SLC49A4: variants seen among roughly 807,000 people sequenced by gnomAD.
SLC49A4 encodes the protein solute carrier family 49 member 4, also known as disrupted in renal cancer protein 2.
In SLC49A4, 36 loss-of-function variants were observed where a neutral mutation model predicts 50.6. That is an observed-to-expected ratio of 0.71 (90% confidence interval 0.55 to 0.94). The LOEUF (loss-of-function observed/expected upper bound fraction) is 0.94, where lower values mean the gene tolerates loss of function less well. SLC49A4 is among the 40% of genes least tolerant of loss of function. The probability of loss-of-function intolerance (pLI) is 0.00; values close to 1 mark genes in which losing one functional copy is unlikely to be tolerated. For synonymous variants in SLC49A4, 248 were observed against 241.2 expected, an observed-to-expected ratio of 1.03 and a Z score of -0.26; for missense variants, 503 against 605.7, an observed-to-expected ratio of 0.83 and a Z score of 1.78.
At chr3:122,814,194 G>A (rs917777181) in intron 2 of SLC49A4, among the ~76,000 whole-genome samples, 5 of 152,124 alleles carry the variant, frequency 3.3e-5, no homozygotes, top group African/African-American at 1.2e-4. Flanking sequence ...CTTGAACCTG[G>A]GAGGCGGAGG....
intron 4 of SLC49A4, among the ~76,000 whole-genome samples, chr3:122,842,212 C>A (rs1560219756): frequency 6.6e-6 from 1 of 151,874 alleles, no homozygotes; most frequent in Admixed American, 6.6e-5. Flanking sequence ...TTAGGCCGGG[C>A]GCGGTGGCTC....
chr3:122,863,167 A>T (rs1472005844), intron 7 of SLC49A4, among the ~76,000 whole-genome samples: 1 of 152,210 alleles, frequency 6.6e-6, no homozygotes, highest in East Asian at 1.9e-4. Context: ...TTTTTACCTT[A>T]CAAGCACACT....
rs999615975 is a variant in SLC49A4, at chr3:122,864,670, A to G, written c.1138+4468A>G. 2.6e-5 allele frequency among the ~76,000 whole-genome samples: 4 copies of G among 152,194 alleles called. No individual in the cohort carries two copies. The East Asian group carries it at 5.8e-4, about 22-fold the overall frequency. Reference sequence around the variant, plus strand: ...CCCCAGGGAGTGATAGCTGACCACAAGGTGACTTCAAGTGTTATTTAAAGA... The same window carrying G: ...CCCCAGGGAGTGATAGCTGACCACAGGGTGACTTCAAGTGTTATTTAAAGA... On this transcript the variant is annotated intron_variant, in intron 7 of 8. Transcript: ENST00000261038.
At position 122,879,667 on chromosome 3, in the gene SLC49A4, C is replaced by T. The variant is rs551012272; in HGVS notation, c.*289C>T. The T allele has an allele frequency of 4.2e-6, 1 of 239,560 alleles. No individual in the cohort carries two copies. Among genetic ancestry groups the T allele is most frequent in the East Asian group, 9.5e-5 (1 of 10,502 alleles). 14.8% of individuals were successfully genotyped at this position (239,560 alleles called of 1,614,324 possible). On this transcript the variant is annotated 3_prime_UTR_variant, in exon 9 of 9. Coordinates refer to ENST00000261038, the MANE Select transcript of SLC49A4 (RefSeq NM_032839.3). The stretch of plus-strand genomic sequence containing the variant: ...CATAAAGCACTACCTAAGTAATTCT[C>T]TCTCTGTTTTGTGCCAGTGCTAAAC...
chr3:122,847,440 C>T (rs745327247), intron 5 of SLC49A4, among the ~76,000 whole-genome samples: 8 of 151,574 alleles, frequency 5.3e-5, no homozygotes, highest in Admixed American at 1.3e-4. Flanking sequence ...CTCTGACTCC[C>T]GGGTTCACGC....
chr3:122,877,950 A>G (rs982832220), intron 8 of SLC49A4, among the ~76,000 whole-genome samples: 1 of 152,216 alleles, frequency 6.6e-6, no homozygotes, highest in East Asian at 1.9e-4. Flanking sequence ...TCTTTGTTAC[A>G]TACTATAGAA....
chr3:122,822,858 C>T (rs542416216), intron 2 of SLC49A4, among the ~76,000 whole-genome samples: 27 of 152,316 alleles, frequency 1.8e-4, no homozygotes, highest in Admixed American at 7.2e-4. Flanking sequence ...CCTATATTAG[C>T]CACATGTTAG....
At chr3:122,847,999 T>TG (rs1356800235) in intron 5 of SLC49A4, among the ~76,000 whole-genome samples, 2 of 152,236 alleles carry the variant, frequency 1.3e-5, no homozygotes, top group African/African-American at 4.8e-5. Context: ...CTTCCTTAGT[T>TG]GCAGTAGCAC....
chr3:122,866,276 A>G (rs1035277446), intron 7 of SLC49A4, among the ~76,000 whole-genome samples: 5 of 145,324 alleles, frequency 3.4e-5, no homozygotes, highest in Non-Finnish European at 7.4e-5. Flanking sequence ...TCCTGAGCTT[A>G]AGCGATTCGC....
intron 2 of SLC49A4, among the ~76,000 whole-genome samples, chr3:122,820,338 GAA>G (rs920646831): frequency 4.1e-4 from 63 of 152,246 alleles, no homozygotes; most frequent in African/African-American, 1.5e-3. Context: ...TTAAAGAAAG[GAA>G]AGTTATAAAA....
intron 3 of SLC49A4, 127 bp downstream of exon 3, chr3:122,827,192 C>A: frequency 1.0e-6 from 1 of 991,398 alleles, no homozygotes; most frequent in Non-Finnish European, 1.5e-6. Context: ...AATTTACATG[C>A]ACTGTGCATT....
intron 2 of SLC49A4, among the ~76,000 whole-genome samples, chr3:122,815,584 G>A (rs1936354283): frequency 6.6e-6 from 1 of 152,146 alleles, no homozygotes; most frequent in Admixed American, 6.6e-5. Flanking sequence ...GCCTCCATGT[G>A]TCCATGCACT....
At chr3:122,796,185 A>G (rs1183020178) in intron 1 of SLC49A4, among the ~76,000 whole-genome samples, 1 of 152,228 alleles carries the variant, frequency 6.6e-6, no homozygotes, top group Non-Finnish European at 1.5e-5. Context: ...ACCACTTGCC[A>G]GTGTGATTCT....
In SLC49A4 at chr3:122,795,366, C is replaced by G. The variant is rs778842252; in HGVS notation, c.174C>G (p.Phe58Leu). 1 of 1,594,710 alleles carries G rather than the reference C, an allele frequency of 6.3e-7. No homozygotes were observed. The highest frequency in any genetic ancestry group is 8.5e-7 in the Non-Finnish European group (1 of 1,175,078). The change falls in exon 1 of 9, where the codon TTC (phenylalanine) becomes TTG (leucine). Residue 58 changes from phenylalanine to leucine, a missense_variant. By Grantham distance (22) the Phe-to-Leu change is conservative (BLOSUM62 0). Transcript: ENST00000261038. ...YGRRWLVLLL[F>L]SLLAFVQGLV... ...GCCGCTGGCTGGTGCTGCTGCTCTT[C>G]TCGCTGCTGGCGTTCGTTCAGGGCC...
chr3:122,818,077 A>G (rs574568360), intron 2 of SLC49A4, among the ~76,000 whole-genome samples: 1 of 152,320 alleles, frequency 6.6e-6, no homozygotes, highest in Non-Finnish European at 1.5e-5. Context: ...AGTAGCTAAT[A>G]TTCACATACA....
chr3:122,819,835 GT>G (rs969630679), intron 2 of SLC49A4, among the ~76,000 whole-genome samples: 40 of 143,780 alleles, frequency 2.8e-4, no homozygotes, highest in Middle Eastern at 3.6e-3. Context: ...TTTTTTTAAA[GT>G]TTTTTTTTTT....
intron 2 of SLC49A4, among the ~76,000 whole-genome samples, chr3:122,813,546 A>G (rs1936327834): frequency 6.6e-6 from 1 of 152,186 alleles, no homozygotes; most frequent in Non-Finnish European, 1.5e-5. Context: ...TATCATCACA[A>G]TCATGAATGG....
At position 122,880,827 on chromosome 3, in the gene SLC49A4, C is replaced by T. The variant is rs1937329203; in HGVS notation, c.*1449C>T. On this transcript the variant is annotated 3_prime_UTR_variant, in exon 9 of 9. Transcript: ENST00000261038. ...CCATGACACACCCACATGCAGATTC[C>T]CAAGTCTGTCTCCCCTCCCCCTTAG... 1 of 152,534 alleles carries T rather than the reference C, an allele frequency of 6.6e-6. No homozygotes were observed. The highest frequency in any genetic ancestry group is 2.4e-5 in the African/African-American group (1 of 41,444). The allele number at this position is 152,534 out of a possible 1,614,324, so 9.4% of individuals were successfully genotyped here.
At chr3:122,842,896 T>C (rs1333550844) in intron 4 of SLC49A4, among the ~76,000 whole-genome samples, 1 of 152,248 alleles carries the variant, frequency 6.6e-6, no homozygotes, top group Non-Finnish European at 1.5e-5. Context: ...GGGCCTGCCA[T>C]GCCCCATTCC....
Sources: allele counts gnomAD v4.1 joint callset (sites outside exome capture counted in the v4.1 genomes callset), GRCh38; gene constraint gnomAD v4.1.1; transcripts MANE v1.5; gene names NCBI Gene and HGNC (gene_info 2026-07-23, HGNC 2026-07-21).